The following G2E3 variants were observed in gnomAD, a reference collection of about 807,000 sequenced individuals.
G2E3 encodes the protein G2/M phase-specific E3 ubiquitin-protein ligase.
A neutral mutation model predicts 92.8 loss-of-function variants in G2E3; 35 were observed. The observed-to-expected ratio is 0.38, with a 90% CI of 0.29 to 0.50. The LOEUF is 0.50. Ranked by LOEUF, G2E3 falls within the 20% of genes least tolerant of loss-of-function variation. The pLI is 0.94. For missense variants in G2E3, 554 were observed against 823.8 expected, an observed-to-expected ratio of 0.67 and a Z score of 4.01; for synonymous variants, 242 against 272.4, an observed-to-expected ratio of 0.89 and a Z score of 1.10.
In G2E3 at chr14:30,617,965, T is replaced by C. The variant is rs1841805627; in HGVS notation, c.*1431T>C. The C allele has an allele frequency of 4.3e-5, 5 of 115,250 alleles. No homozygotes were observed. Among genetic ancestry groups the C allele is most frequent in the Admixed American group, 3.5e-4 (4 of 11,310 alleles). 7.1% of individuals were successfully genotyped at this position (115,250 alleles called of 1,614,324 possible). On this transcript the variant is annotated 3_prime_UTR_variant, in exon 15 of 15. Coordinates refer to ENST00000206595, the MANE Select transcript of G2E3 (RefSeq NM_017769.5). ...TATGGGAAGTAAAATGTTTTAACCA[T>C]ATTTTTCTTAATACACAAAGCAGGT...
intron 1 of G2E3, among the ~76,000 whole-genome samples, chr14:30,576,368 C>G (rs1310352792): frequency 6.6e-6 from 1 of 152,176 alleles, no homozygotes; most frequent in Non-Finnish European, 1.5e-5. Flanking sequence ...CAAAAACCAC[C>G]TCAAGATGGA....
intron 12 of G2E3, among the ~76,000 whole-genome samples, chr14:30,608,306 T>C (rs866629167): frequency 6.6e-6 from 1 of 152,220 alleles, no homozygotes; most frequent in East Asian, 1.9e-4. Context: ...AATGTGATTT[T>C]GGTCTGTGTT....
chr14:30,574,562 C>G (rs2138795712), intron 1 of G2E3: 1 of 152,074 alleles, frequency 6.6e-6, no homozygotes, highest in Middle Eastern at 3.4e-3. Context: ...TTTTCTGCTC[C>G]TCTCCCTCCT....
intron 5 of G2E3, among the ~76,000 whole-genome samples, chr14:30,593,252 A>G (rs1014133847): frequency 6.6e-6 from 1 of 152,160 alleles, no homozygotes; most frequent in Non-Finnish European, 1.5e-5. Flanking sequence ...GAAATTCTGT[A>G]TAAGTAAGTC....
intron 14 of G2E3, 85 bp from the exon 15 acceptor site, chr14:30,616,193 T>A: frequency 1.1e-6 from 1 of 898,276 alleles, no homozygotes; most frequent in Non-Finnish European, 1.8e-6. Context: ...TCCAAGTCTA[T>A]TTGGAGAAGA....
chr14:30,570,712 T>C (rs1566525977), intron 1 of G2E3, among the ~76,000 whole-genome samples: 1 of 152,196 alleles, frequency 6.6e-6, no homozygotes, highest in African/African-American at 2.4e-5. Flanking sequence ...TTTATTGATA[T>C]TCTCTATTTG....
chr14:30,605,899 C>T (rs1461787352), intron 11 of G2E3, 87 bp downstream of exon 11: 25 of 663,478 alleles, frequency 3.8e-5, no homozygotes, highest in Non-Finnish European at 5.7e-5. Flanking sequence ...ATATTTAATA[C>T]CTGTGCTCTA....
intron 14 of G2E3, among the ~76,000 whole-genome samples, chr14:30,616,077 G>C (rs1178981778): frequency 1.3e-5 from 2 of 152,070 alleles, no homozygotes; most frequent in East Asian, 3.8e-4. Context: ...GATTGTATTA[G>C]TCCTTCTACT....
intron 12 of G2E3, among the ~76,000 whole-genome samples, chr14:30,610,354 G>T (rs1268913062): frequency 1.3e-5 from 2 of 152,278 alleles, no homozygotes; most frequent in Non-Finnish European, 2.9e-5. Context: ...AGTGGGTCAC[G>T]CCTGTAATCC....
chr14:30,561,932 A>G (rs549951295), intron 1 of G2E3, among the ~76,000 whole-genome samples: 4 of 152,094 alleles, frequency 2.6e-5, no homozygotes, highest in African/African-American at 9.6e-5. Flanking sequence ...GTGATAGCAT[A>G]TGGTTTATAA....
chr14:30,569,054 A>G (rs1414939392), intron 1 of G2E3, among the ~76,000 whole-genome samples: 2 of 152,210 alleles, frequency 1.3e-5, no homozygotes, highest in African/African-American at 4.8e-5. Context: ...TCCAGAGAAT[A>G]TAAGCTTTTA....
At position 30,605,577 on chromosome 14, in the gene G2E3, T is replaced by C; in HGVS notation, c.1083T>C (p.Thr361=). 1 of 1,487,476 alleles carries C rather than the reference T, an allele frequency of 6.7e-7. No individual in the cohort carries two copies. Among genetic ancestry groups the C allele is most frequent in the Non-Finnish European group, 9.3e-7 (1 of 1,080,820 alleles). 92.1% of individuals were successfully genotyped at this position (1,487,476 alleles called of 1,614,324 possible). A position where few individuals can be genotyped will look rare whatever the true frequency, so the allele number is the denominator to read the frequency against. ...IELGFQIKKK[T]KRLYINKANI... Reference sequence around the variant, plus strand: ...TAGGATTCCAAATTAAAAAAAAAACTAAAAGATTGTATATCAACAAAGCCA... The same window carrying C: ...TAGGATTCCAAATTAAAAAAAAAACCAAAAGATTGTATATCAACAAAGCCA... Residue 361 remains threonine (T), a synonymous_variant, in exon 11 of 15, where the codon ACT becomes ACC. Coordinates refer to ENST00000206595, the MANE Select transcript of G2E3 (RefSeq NM_017769.5).
At chr14:30,586,898 G>A in intron 3 of G2E3, 83 bp downstream of exon 3, 2 of 459,254 alleles carry the variant, frequency 4.4e-6, no homozygotes, top group Admixed American at 4.0e-5. Flanking sequence ...TCTGAGAATT[G>A]GATAAGTCAT....
chr14:30,597,602 T>A, intron 7 of G2E3, 76 bp downstream of exon 7: 2 of 835,920 alleles, frequency 2.4e-6, no homozygotes, highest in Non-Finnish European at 4.1e-6. Context: ...AATGATCACT[T>A]ATGTCTGATT....
chr14:30,613,220 G>GT (rs1017120867), intron 13 of G2E3, among the ~76,000 whole-genome samples: 1 of 151,932 alleles, frequency 6.6e-6, no homozygotes, highest in African/African-American at 2.4e-5. Context: ...TTATTAACTT[G>GT]TGCCTGTCTT....
rs777529895 is a variant in G2E3, at chr14:30,616,388, G to A, written c.1975G>A (p.Asp659Asn). The stretch of plus-strand genomic sequence containing the variant: ...TCCTTCAATTGAGTGTCTGCATGTG[G>A]ATTTTCCTGTTGGAAACAAGTGTAA... ...PTPSIECLHV[D>N]FPVGNKCNNC... The change falls in exon 15 of 15, where the codon GAT becomes AAT. Residue 659 changes from aspartate to asparagine, a missense_variant. Asp to Asn is a conservative substitution (Grantham distance 23, BLOSUM62 1). Coordinates refer to ENST00000206595, the MANE Select transcript of G2E3 (RefSeq NM_017769.5). 2 of 1,612,996 alleles carry A rather than the reference G, an allele frequency of 1.2e-6. No homozygotes were observed. The highest frequency in any genetic ancestry group is 8.5e-7 in the Non-Finnish European group (1 of 1,179,240).
intron 14 of G2E3, among the ~76,000 whole-genome samples, chr14:30,616,048 A>G (rs1383208995): frequency 1.3e-5 from 2 of 152,172 alleles, no homozygotes; most frequent in African/African-American, 4.8e-5. Flanking sequence ...GTTATATACA[A>G]TAAGTAGTTG....
rs542940476 is a variant in G2E3 at position 30,562,533 on chromosome 14, C to T, written c.-5+3261C>T. Among the ~76,000 whole-genome samples, 5 of 152,238 alleles carry T rather than the reference C, an allele frequency of 3.3e-5. No individual in the cohort carries two copies. In the South Asian group the frequency reaches 1.0e-3, roughly 32 times the overall value. On this transcript the variant is annotated intron_variant, in intron 1 of 14. Transcript: ENST00000206595. ...GGAAGACGCCCGTTGCCAAGAGGAC[C>T]ATGGTCTAGCGATAGCGTCAGTGTC...
intron 12 of G2E3, among the ~76,000 whole-genome samples, chr14:30,610,739 T>G (rs1363460566): frequency 6.6e-6 from 1 of 152,208 alleles, no homozygotes; most frequent in Non-Finnish European, 1.5e-5. Context: ...AGACAGTGGC[T>G]CAAACAAGGC....
Sources: allele counts gnomAD v4.1 joint callset (sites outside exome capture counted in the v4.1 genomes callset), GRCh38; gene constraint gnomAD v4.1.1; transcripts MANE v1.5; gene names NCBI Gene and HGNC (gene_info 2026-07-23, HGNC 2026-07-21).